The following ZNF705G variants were observed in gnomAD, a reference collection of about 807,000 sequenced individuals.
ZNF705G encodes zinc finger protein 705G.
ZNF705G carries 23 observed loss-of-function variants against 19.6 expected under a neutral mutation model. The ratio of observed to expected loss-of-function variants is 1.17; its 90% CI spans 0.84 to 1.66. The LOEUF (loss-of-function observed/expected upper bound fraction) is 1.66, where lower values mean the gene tolerates loss of function less well. Ranked by LOEUF, ZNF705G falls within the 40% of genes most tolerant of loss-of-function variation. The pLI is 0.00. For synonymous variants in ZNF705G, 146 were observed against 117.7 expected, an observed-to-expected ratio of 1.24 and a Z score of -1.56; for missense variants, 457 against 354.4, an observed-to-expected ratio of 1.29 and a Z score of -2.32.
chr8:7,358,434 A>T lies in ZNF705G; in HGVS notation c.445T>A (p.Cys149Ser), dbSNP rs1233095347. Residue 149 changes from cysteine to serine, a missense_variant, in exon 7 of 7, where the codon TGT becomes AGT. Physicochemically the swap from Cys to Ser is moderately radical, Grantham distance 112. Transcript: ENST00000400156. ...AAAAGATTACGAAGGGATTTTCCAC[A>T]CTGTTTGCTGACATAGGGTTTCTTT... ...SGKKPYVSKQ[C>S]GKSLRNLLST... is the part of the protein sequence containing the mutation. The T allele has an allele frequency of 5.6e-6, 9 of 1,607,738 alleles. No individual in the cohort carries two copies. Among genetic ancestry groups the T allele is most frequent in the Non-Finnish European group, 7.6e-6 (9 of 1,179,598 alleles).
At chr8:7,383,665 GT>G (rs1438136527) in intron 1 of ZNF705G, among the ~76,000 whole-genome samples, 1 of 149,006 alleles carries the variant, frequency 6.7e-6, no homozygotes, top group Non-Finnish European at 1.5e-5. Context: ...CTTTGAGGAG[GT>G]GATTAAGTCG....
At chr8:7,365,471 C>G (rs771702597) in intron 2 of ZNF705G, among the ~76,000 whole-genome samples, 1 of 147,930 alleles carries the variant, frequency 6.8e-6, no homozygotes, top group Non-Finnish European at 1.5e-5. Flanking sequence ...CTCCACCTCC[C>G]GGGTTCAAGC....
chr8:7,366,139 G>C (rs1259753991), intron 2 of ZNF705G, among the ~76,000 whole-genome samples: 1 of 147,932 alleles, frequency 6.8e-6, no homozygotes, highest in Non-Finnish European at 1.5e-5. Context: ...ATATATATCA[G>C]ATTACACTAT....
chr8:7,364,828 G>C (rs1332704185), intron 2 of ZNF705G, among the ~76,000 whole-genome samples: 6 of 149,458 alleles, frequency 4.0e-5, no homozygotes, highest in Non-Finnish European at 7.4e-5. Flanking sequence ...GAATGTACCT[G>C]ACAGTACATG....
intron 2 of ZNF705G, among the ~76,000 whole-genome samples, chr8:7,365,614 C>A (rs1311544942): frequency 2.7e-5 from 4 of 149,334 alleles, no homozygotes; most frequent in Non-Finnish European, 5.9e-5. Context: ...AGGTGATCCG[C>A]CAGCCTCCGC....
intron 1 of ZNF705G, among the ~76,000 whole-genome samples, chr8:7,382,058 G>A (rs1168419040): frequency 6.6e-6 from 1 of 152,132 alleles, no homozygotes; most frequent in Non-Finnish European, 1.5e-5. Context: ...ATACAAAAGT[G>A]GCAAAACAGA....
chr8:7,382,854 T>G (rs191755647), intron 1 of ZNF705G, among the ~76,000 whole-genome samples: 1 of 146,824 alleles, frequency 6.8e-6, no homozygotes, highest in Admixed American at 6.6e-5. Context: ...ATGAATTACA[T>G]AGTGGTGAAT....
chr8:7,380,502 A>G (rs1807440381), intron 2 of ZNF705G, among the ~76,000 whole-genome samples: 1 of 147,502 alleles, frequency 6.8e-6, no homozygotes, highest in Non-Finnish European at 1.5e-5. Context: ...GCTTAAGGAT[A>G]GGACTTCCCA....
chr8:7,369,864 C>T (rs572160924), intron 2 of ZNF705G, among the ~76,000 whole-genome samples: 1 of 148,800 alleles, frequency 6.7e-6, no homozygotes, highest in Non-Finnish European at 1.5e-5. Context: ...AAGATCAGAA[C>T]AACAGATACT....
intron 2 of ZNF705G, among the ~76,000 whole-genome samples, chr8:7,369,794 C>A (rs1192457960): frequency 6.7e-6 from 1 of 149,086 alleles, no homozygotes; most frequent in Non-Finnish European, 1.5e-5. Context: ...GAAGAGAAAA[C>A]CAAATACCAT....
At chr8:7,358,850 G>A (rs1339810600) in intron 6 of ZNF705G, among the ~76,000 whole-genome samples, 6 of 149,310 alleles carry the variant, frequency 4.0e-5, no homozygotes, top group Non-Finnish European at 4.4e-5. Flanking sequence ...TGCCCATGAG[G>A]AAATTCCTCA....
intron 6 of ZNF705G, among the ~76,000 whole-genome samples, 176 bp downstream of exon 6, chr8:7,359,443 G>C (rs564561466): frequency 6.7e-6 from 1 of 149,322 alleles, no homozygotes; most frequent in East Asian, 1.9e-4. Context: ...CTCATGTTAT[G>C]GTTTAGAACA....
intron 2 of ZNF705G, among the ~76,000 whole-genome samples, chr8:7,380,675 T>G (rs1807449338): frequency 6.8e-6 from 1 of 146,142 alleles, no homozygotes; most frequent in African/African-American, 2.8e-5. Flanking sequence ...ATGCTACACA[T>G]GCCTCCCAGG....
chr8:7,371,424 A>G (rs2463971), intron 2 of ZNF705G, among the ~76,000 whole-genome samples: 64 of 139,404 alleles, frequency 4.6e-4, no homozygotes, highest in South Asian at 1.5e-3. Flanking sequence ...ATACTGTATT[A>G]CATACTTAAA....
intron 1 of ZNF705G, 32 bp from the exon 2 acceptor site, chr8:7,381,633 T>C (rs1459234737): frequency 6.8e-6 from 1 of 146,850 alleles, no homozygotes; most frequent in African/African-American, 2.7e-5. Context: ...GCTGGGAAAC[T>C]AACACAGGAA....
Position 7,358,013 on chromosome 8 carries a change from C to A in ZNF705G, c.866G>T (p.Cys289Phe). Reference protein sequence around the residue: ...TGEKPHACLLCGKAFSLSSNL... With the variant: ...TGEKPHACLLFGKAFSLSSNL... ...GGAAGACAGACTGAAGGCCTTCCCA[C>A]ATAGAAGACAAGCATGTGGTTTCTC... The change falls in exon 7 of 7, where the codon TGT becomes TTT. Residue 289 changes from cysteine (C) to phenylalanine (F), a missense_variant. Cys to Phe is a radical substitution (Grantham distance 205). Coordinates refer to ENST00000400156, the MANE Select transcript of ZNF705G (RefSeq NM_001164457.3). The A allele has an allele frequency of 6.2e-7, 1 of 1,609,100 alleles. No homozygotes were observed. Among genetic ancestry groups the A allele is most frequent in the Non-Finnish European group, 8.5e-7 (1 of 1,179,796 alleles).
At chr8:7,380,695 G>T (rs531001491) in intron 2 of ZNF705G, among the ~76,000 whole-genome samples, 1 of 146,224 alleles carries the variant, frequency 6.8e-6, no homozygotes, top group Non-Finnish European at 1.5e-5. Flanking sequence ...GGTCTTGAGG[G>T]CATGCCTATC....
chr8:7,368,561 G>T (rs1202998993), intron 2 of ZNF705G, among the ~76,000 whole-genome samples: 1 of 149,810 alleles, frequency 6.7e-6, no homozygotes, highest in South Asian at 2.1e-4. Context: ...TGTAGTACTT[G>T]TAAGACCACT....
intron 2 of ZNF705G, among the ~76,000 whole-genome samples, chr8:7,369,164 G>C (rs1373270631): frequency 2.0e-5 from 3 of 149,416 alleles, no homozygotes; most frequent in Non-Finnish European, 4.4e-5. Context: ...CCATGATTCA[G>C]TTATCGCCAC....
Sources: allele counts gnomAD v4.1 joint callset (sites outside exome capture counted in the v4.1 genomes callset), GRCh38; gene constraint gnomAD v4.1.1; transcripts MANE v1.5; gene names NCBI Gene and HGNC (gene_info 2026-07-23, HGNC 2026-07-21).